The following CNOT6 variants were observed in gnomAD, a reference collection of about 807,000 sequenced individuals.
CNOT6 encodes the protein CCR4-NOT transcription complex subunit 6.
A neutral mutation model predicts 61.2 loss-of-function variants in CNOT6; 12 were observed. The observed-to-expected ratio is 0.20, with a 90% CI of 0.13 to 0.32. The LOEUF (loss-of-function observed/expected upper bound fraction) is 0.32. Among genes scored for constraint, CNOT6 ranks in the 10% least tolerant of loss-of-function variants. The pLI is 1.00. For missense variants in CNOT6, 405 were observed against 663.9 expected, an observed-to-expected ratio of 0.61 and a Z score of 4.28; for synonymous variants, 225 against 240.6, an observed-to-expected ratio of 0.94 and a Z score of 0.60.
intron 1 of CNOT6, among the ~76,000 whole-genome samples, chr5:180,504,099 C>A (rs1372825695): frequency 6.6e-6 from 1 of 152,106 alleles, no homozygotes; most frequent in African/African-American, 2.4e-5. Context: ...GGTTATGGAT[C>A]AAAAACCTCC....
At chr5:180,566,304 G>A (rs1168009985) in intron 7 of CNOT6, among the ~76,000 whole-genome samples, 3 of 152,184 alleles carry the variant, frequency 2.0e-5, no homozygotes, top group African/African-American at 4.8e-5. Flanking sequence ...TTGCATTGCC[G>A]ACCATGTTGC....
At chr5:180,539,208 G>C (rs1303610958) in intron 2 of CNOT6, among the ~76,000 whole-genome samples, 1 of 149,492 alleles carries the variant, frequency 6.7e-6, no homozygotes, top group Non-Finnish European at 1.5e-5. Flanking sequence ...CAAGCAGGAG[G>C]ATTACTTGGA....
chr5:180,512,131 A>G (rs1188762647), intron 1 of CNOT6, among the ~76,000 whole-genome samples: 1 of 152,268 alleles, frequency 6.6e-6, no homozygotes, highest in African/African-American at 2.4e-5. Context: ...TGTGGATTTC[A>G]GAATGGTCTT....
At chr5:180,517,119 C>G (rs1247210706) in intron 1 of CNOT6, among the ~76,000 whole-genome samples, 1 of 152,206 alleles carries the variant, frequency 6.6e-6, no homozygotes, top group Non-Finnish European at 1.5e-5. Context: ...CAATATTCAT[C>G]TAATGCTTTT....
At chr5:180,511,743 G>T (rs1757405602) in intron 1 of CNOT6, among the ~76,000 whole-genome samples, 1 of 152,022 alleles carries the variant, frequency 6.6e-6, no homozygotes, top group Non-Finnish European at 1.5e-5. Context: ...TCCAGCCTGG[G>T]CAACAGAGTG....
rs56266069 is a variant in CNOT6, at chr5:180,533,312, C to CTATATATATA, written c.112+3946_112+3955dup. Among the ~76,000 whole-genome samples the CTATATATATA allele has an allele frequency of 3.6e-3, 464 of 127,440 alleles. 5 individuals are homozygous for CTATATATATA. Among genetic ancestry groups the CTATATATATA allele is most frequent in the East Asian group, 0.022 (87 of 3,894 alleles). 83.6% of individuals were successfully genotyped at this position (127,440 alleles called of 152,430 possible). The stretch of plus-strand genomic sequence containing the variant: ...GGAACCAGGAACCATGGATGAAAAC[C>CTATATATATA]TATATATATATATATATATATATAT... On this transcript the variant is annotated intron_variant, in intron 2 of 11. Coordinates refer to ENST00000261951, the MANE Select transcript of CNOT6 (RefSeq NM_001370472.1).
chr5:180,569,586 T>A (rs1760643379), intron 10 of CNOT6, among the ~76,000 whole-genome samples: 2 of 152,174 alleles, frequency 1.3e-5, no homozygotes, highest in African/African-American at 4.8e-5. Flanking sequence ...GTGAAATAAC[T>A]CTTTAAAGAA....
intron 1 of CNOT6, among the ~76,000 whole-genome samples, chr5:180,497,876 T>C (rs1341926161): frequency 6.6e-6 from 1 of 151,994 alleles, no homozygotes; most frequent in African/African-American, 2.4e-5. Flanking sequence ...AAACCCTGTC[T>C]CTACTAAAAA....
chr5:180,547,474 C>T (rs1170302719), intron 2 of CNOT6, among the ~76,000 whole-genome samples: 2 of 151,740 alleles, frequency 1.3e-5, no homozygotes, highest in South Asian at 2.1e-4. Context: ...GAGCTGAGAT[C>T]GCGCCACTGC....
At position 180,576,300 on chromosome 5, in the gene CNOT6, A is replaced by G. The variant is rs1760999509; in HGVS notation, c.*2100A>G. On this transcript the variant is annotated 3_prime_UTR_variant, in exon 12 of 12. Coordinates refer to ENST00000261951, the MANE Select transcript of CNOT6 (RefSeq NM_001370472.1). The stretch of plus-strand genomic sequence containing the variant: ...AGCAGCTTTTCCTACGATCTGCATT[A>G]TGTAATCACAGGTCCAGAGAGCTTT... 6.6e-6 allele frequency: 1 copy of G among 152,664 alleles called. No individual in the cohort carries two copies. Among genetic ancestry groups the G allele is most frequent in the Non-Finnish European group, 1.5e-5 (1 of 68,046 alleles). The allele number at this position is 152,664 out of a possible 1,614,324, so 9.5% of individuals were successfully genotyped here.
chr5:180,551,352 G>A (rs1427040680), intron 3 of CNOT6, among the ~76,000 whole-genome samples: 3 of 152,092 alleles, frequency 2.0e-5, no homozygotes, highest in African/African-American at 7.2e-5. Context: ...GCAAGACCCT[G>A]TCTCTACCCT....
chr5:180,540,890 T>C (rs1298561634), intron 2 of CNOT6, among the ~76,000 whole-genome samples: 1 of 152,202 alleles, frequency 6.6e-6, no homozygotes, highest in Non-Finnish European at 1.5e-5. Flanking sequence ...TCCGTATACT[T>C]AGCATTTCCA....
intron 1 of CNOT6, among the ~76,000 whole-genome samples, chr5:180,513,565 G>C (rs1052624723): frequency 1.4e-5 from 2 of 146,582 alleles, no homozygotes; most frequent in South Asian, 4.4e-4. Context: ...GTAGAGACAG[G>C]GTTTCACCAT....
chr5:180,577,162 A>AGTGTGTGTGTGT lies in CNOT6; in HGVS notation c.*2962_*2963insGTGTGTGTGTGT, dbSNP rs1561672239. ...AAGATAGGCAGAGAACATCTCCAGA[A>AGTGTGTGTGTGT]ATGTGTGTGTGTGTGTGTGTGTGTG... is the stretch of plus-strand genomic sequence containing the variant. On this transcript the variant is annotated 3_prime_UTR_variant, in exon 12 of 12. Transcript: ENST00000261951. 3 of 35,108 alleles carry AGTGTGTGTGTGT rather than the reference A, an allele frequency of 8.5e-5. No individual in the cohort carries two copies. The highest frequency in any genetic ancestry group is 1.4e-4 in the Non-Finnish European group (2 of 13,838). The allele number at this position is 35,108 out of a possible 1,614,324, so 2.2% of individuals were successfully genotyped here.
At position 180,574,531 on chromosome 5, in the gene CNOT6, G is replaced by C. The variant is rs967101630; in HGVS notation, c.*331G>C. 13 of 326,842 alleles carry C rather than the reference G, an allele frequency of 4.0e-5. No individual in the cohort carries two copies. Among genetic ancestry groups the C allele is most frequent in the East Asian group, 7.4e-5 (1 of 13,590 alleles). The allele number at this position is 326,842 out of a possible 1,614,324, so 20.2% of individuals were successfully genotyped here. On this transcript the variant is annotated 3_prime_UTR_variant, in exon 12 of 12. Transcript: ENST00000261951. ...GTGAACAGCGTATTCTCTTCACACA[G>C]AAATCTGTAGCACTGCTTTTTTGAG...
chr5:180,540,238 C>T (rs188756653), intron 2 of CNOT6, among the ~76,000 whole-genome samples: 35 of 152,264 alleles, frequency 2.3e-4, no homozygotes, highest in African/African-American at 8.2e-4. Flanking sequence ...CTATATCCCC[C>T]TTGGTTGTAG....
At position 180,553,410 on chromosome 5, in the gene CNOT6, G is replaced by C; in HGVS notation, c.324G>C (p.Leu108=). Residue 108 remains leucine, a synonymous_variant, in exon 4 of 12, where the codon CTG becomes CTC. Coordinates refer to ENST00000261951, the MANE Select transcript of CNOT6 (RefSeq NM_001370472.1). ...SLRELHLNNN[L]LRVLPFELGK... The stretch of plus-strand genomic sequence containing the variant: ...GGGAGCTCCATTTAAATAACAACCT[G>C]TTACGAGTTCTACCTTTTGAGCTGG... 1 of 1,613,818 alleles carries C rather than the reference G, an allele frequency of 6.2e-7. No individual in the cohort carries two copies. Among genetic ancestry groups the C allele is most frequent in the Non-Finnish European group, 8.5e-7 (1 of 1,179,858 alleles).
At chr5:180,564,781 C>T in intron 6 of CNOT6, 38 bp downstream of exon 6, 1 of 1,452,170 alleles carries the variant, frequency 6.9e-7, no homozygotes, top group Non-Finnish European at 9.7e-7. Flanking sequence ...TATTTTTGCT[C>T]AGTCTCTATA....
intron 2 of CNOT6, among the ~76,000 whole-genome samples, chr5:180,541,610 G>A (rs1343900721): frequency 6.7e-6 from 1 of 150,238 alleles, no homozygotes; most frequent in Non-Finnish European, 1.5e-5. Flanking sequence ...CTGCCATCAC[G>A]CCTGGCTAAT....
Sources: allele counts gnomAD v4.1 joint callset (sites outside exome capture counted in the v4.1 genomes callset), GRCh38; gene constraint gnomAD v4.1.1; transcripts MANE v1.5; gene names NCBI Gene and HGNC (gene_info 2026-07-23, HGNC 2026-07-21).